The following YES1 variants were observed in gnomAD, a reference collection of about 807,000 sequenced individuals.
The protein encoded by YES1 is tyrosine-protein kinase Yes.
Under a neutral mutation model 70.4 loss-of-function variants are expected in YES1, and 39 were observed. The observed-to-expected ratio is 0.55, with a 90% CI of 0.43 to 0.72. YES1 has a LOEUF of 0.72. YES1 is among the 30% of genes least tolerant of loss of function. YES1 has a pLI of 0.00. For synonymous variants in YES1, 198 were observed against 218.6 expected (o/e 0.91, Z 0.83); for missense variants, 495 against 644.8 (o/e 0.77, Z 2.52).
intron 2 of YES1, 57 bp downstream of exon 2, chr18:756,500 A>G (rs1422180506): frequency 5.0e-6 from 8 of 1,589,674 alleles, no homozygotes; most frequent in South Asian, 2.3e-5. Context: ...CCTTAAGTAT[A>G]TATTACCCAA....
chr18:754,550 C>CA (rs1333856622), intron 2 of YES1, among the ~76,000 whole-genome samples: 1 of 151,504 alleles, frequency 6.6e-6, no homozygotes, highest in Non-Finnish European at 1.5e-5. Context: ...TACTAAAGTA[C>CA]AAAAAAAATT....
At chr18:798,999 C>T (rs1308054870) in intron 1 of YES1, among the ~76,000 whole-genome samples, 2 of 152,178 alleles carry the variant, frequency 1.3e-5, no homozygotes, top group African/African-American at 2.4e-5. Context: ...AGCTTACCAC[C>T]TCAAATATAA....
chr18:785,745 T>G (rs1478656603), intron 1 of YES1, among the ~76,000 whole-genome samples: 5 of 150,368 alleles, frequency 3.3e-5, no homozygotes, highest in Non-Finnish European at 1.5e-5. Flanking sequence ...TCAAGACCAG[T>G]CTAAGCCCAG....
intron 1 of YES1, among the ~76,000 whole-genome samples, chr18:775,978 G>GT (rs768558235): frequency 9.2e-5 from 14 of 152,126 alleles, no homozygotes; most frequent in South Asian, 2.1e-4. Flanking sequence ...ATTGTTTCCA[G>GT]TTTTTTTGCT....
intron 1 of YES1, among the ~76,000 whole-genome samples, chr18:764,763 C>T (rs112082973): frequency 4.6e-5 from 7 of 151,956 alleles, no homozygotes; most frequent in East Asian, 1.9e-4. Context: ...GACGGAGTCT[C>T]GTTCTGTCAC....
chr18:759,149 G>C (rs1255016135), intron 1 of YES1, among the ~76,000 whole-genome samples: 3 of 152,176 alleles, frequency 2.0e-5, no homozygotes, highest in Non-Finnish European at 4.4e-5. Context: ...ATATTCTAAA[G>C]ATGTGAGTTA....
intron 1 of YES1, among the ~76,000 whole-genome samples, chr18:763,718 A>AT (rs1904715705): frequency 6.6e-6 from 1 of 151,322 alleles, no homozygotes; most frequent in African/African-American, 2.4e-5. Flanking sequence ...AAAAAAAAAA[A>AT]AAAAAAAGAC....
At chr18:745,310 G>A (rs2080266312) in intron 6 of YES1, among the ~76,000 whole-genome samples, 1 of 152,110 alleles carries the variant, frequency 6.6e-6, no homozygotes, top group South Asian at 2.1e-4. Flanking sequence ...TATACTTTAG[G>A]AAAGCTTATG....
chr18:770,171 G>A (rs1359957634), intron 1 of YES1, among the ~76,000 whole-genome samples: 2 of 151,878 alleles, frequency 1.3e-5, no homozygotes, highest in African/African-American at 4.8e-5. Flanking sequence ...TGTTAGCCAG[G>A]ATTGTCTTGA....
At chr18:725,358 A>T (rs572427906) in intron 11 of YES1, among the ~76,000 whole-genome samples, 5 of 152,156 alleles carry the variant, frequency 3.3e-5, no homozygotes, top group Non-Finnish European at 7.3e-5. Context: ...TATCTCTTGG[A>T]AACTTTATCA....
intron 11 of YES1, among the ~76,000 whole-genome samples, chr18:732,455 A>AC (rs1399498870): frequency 2.1e-5 from 3 of 142,224 alleles, no homozygotes; most frequent in Non-Finnish European, 4.5e-5. Context: ...AAAAAAAAAA[A>AC]AACAAAACAC....
At chr18:787,757 T>C (rs891377115) in intron 1 of YES1, 2 of 152,286 alleles carry the variant, frequency 1.3e-5, no homozygotes, top group African/African-American at 4.8e-5. Context: ...TTCCCCATCA[T>C]CATTTAGGAC....
chr18:802,507 G>C (rs116702846), intron 1 of YES1, among the ~76,000 whole-genome samples: 3,478 of 147,252 alleles, frequency 0.024, 145 homozygotes, highest in African/African-American at 0.083. Context: ...CCACACTATT[G>C]CACCCCAGCC....
chr18:787,116 A>G (rs996866540), intron 1 of YES1, among the ~76,000 whole-genome samples: 1 of 62,340 alleles, frequency 1.6e-5, no homozygotes, highest in African/African-American at 6.7e-5. Flanking sequence ...TTTTTTTTTG[A>G]GACAGAGTCT....
At chr18:807,402 A>G (rs1907155546) in intron 1 of YES1, among the ~76,000 whole-genome samples, 1 of 152,054 alleles carries the variant, frequency 6.6e-6, no homozygotes, top group Non-Finnish European at 1.5e-5. Context: ...AGGAGGCTAA[A>G]GTGGGAGGAT....
intron 8 of YES1, among the ~76,000 whole-genome samples, chr18:741,267 C>G (rs1375821432): frequency 1.3e-5 from 2 of 148,460 alleles, no homozygotes; most frequent in African/African-American, 5.0e-5. Flanking sequence ...TTTTTTGAGA[C>G]AGTCTCATTT....
intron 11 of YES1, among the ~76,000 whole-genome samples, chr18:725,414 A>G (rs1185490283): frequency 1.3e-5 from 2 of 152,194 alleles, no homozygotes; most frequent in South Asian, 2.1e-4. Context: ...TCTCTAAAGA[A>G]AATGTAATGG....
chr18:804,068 AC>A (rs1906959461), intron 1 of YES1, among the ~76,000 whole-genome samples: 2 of 152,252 alleles, frequency 1.3e-5, no homozygotes, highest in Admixed American at 1.3e-4. Flanking sequence ...TAAAAGGCTA[AC>A]CATTTTCCAA....
At chr18:745,921 C>T in intron 5 of YES1, 27 bp downstream of exon 5, 1 of 1,600,356 alleles carries the variant, frequency 6.2e-7, no homozygotes, top group Admixed American at 1.7e-5. Flanking sequence ...AAATTTTATA[C>T]TTATACTAAT....
Sources: allele counts gnomAD v4.1 joint callset (sites outside exome capture counted in the v4.1 genomes callset), GRCh38; gene constraint gnomAD v4.1.1; transcripts MANE v1.5; gene names NCBI Gene and HGNC (gene_info 2026-07-23, HGNC 2026-07-21).